The following RINT1 variants were observed in gnomAD, a reference collection of about 807,000 sequenced individuals.
RINT1 encodes the protein RAD50-interacting protein 1.
RINT1 carries 75 observed loss-of-function variants against 97.7 expected under a neutral mutation model. That is an observed-to-expected ratio of 0.77 (90% CI 0.64 to 0.93). The LOEUF is 0.93. Ranked by LOEUF, RINT1 falls within the 40% of genes least tolerant of loss-of-function variation. The probability of loss-of-function intolerance (pLI) is 0.00; values close to 1 mark genes in which losing one functional copy is unlikely to be tolerated. For synonymous variants in RINT1, 303 were observed against 326.3 expected, an observed-to-expected ratio of 0.93 and a Z score of 0.77; for missense variants, 892 against 925.2, an observed-to-expected ratio of 0.96 and a Z score of 0.47.
intron 10 of RINT1, among the ~76,000 whole-genome samples, chr7:105,553,098 TATG>T (rs1444546294): frequency 6.6e-6 from 1 of 152,172 alleles, no homozygotes; most frequent in African/African-American, 2.4e-5. Context: ...AGTAGGATAA[TATG>T]ATGAACTCTC....
chr7:105,550,308 C>T lies in RINT1; in HGVS notation c.1155C>T (p.Ala385=), dbSNP rs757241087. The T allele has an allele frequency of 1.1e-4, 174 of 1,613,852 alleles. 1 individual carries two copies. The highest frequency in any genetic ancestry group is 1.3e-4 in the Non-Finnish European group (157 of 1,180,002). The part of the protein sequence containing the change: ...GLMMLVLEKL[A]TDIPCLLYDD... The stretch of plus-strand genomic sequence containing the variant: ...TGATGCTGGTTCTTGAGAAGTTAGC[C>T]ACTGATATTCCTTGTCTGCTATATG... The change falls in exon 9 of 15, where the codon GCC becomes GCT. Residue 385 remains alanine (A), a synonymous_variant. Transcript: ENST00000257700.
At chr7:105,561,131 T>G (rs1791419883) in intron 11 of RINT1, among the ~76,000 whole-genome samples, 1 of 152,178 alleles carries the variant, frequency 6.6e-6, no homozygotes, top group African/African-American at 2.4e-5. Context: ...GCAAGGTGAT[T>G]TATTTAGTCC....
intron 11 of RINT1, among the ~76,000 whole-genome samples, chr7:105,561,331 C>A (rs1262815378): frequency 2.6e-5 from 4 of 151,688 alleles, no homozygotes; most frequent in Non-Finnish European, 4.4e-5. Context: ...AGTTCAAGAT[C>A]AGCCTGGCCA....
At chr7:105,560,553 AAATT>A (rs1252103529) in intron 11 of RINT1, among the ~76,000 whole-genome samples, 1 of 152,176 alleles carries the variant, frequency 6.6e-6, no homozygotes, top group African/African-American at 2.4e-5. Context: ...ATGTATAAAA[AAATT>A]AACCACCAGA....
intron 11 of RINT1, among the ~76,000 whole-genome samples, chr7:105,561,910 AAGAG>A (rs1270145419): frequency 6.6e-6 from 1 of 152,114 alleles, no homozygotes; most frequent in African/African-American, 2.4e-5. Flanking sequence ...CAGAAGTTGA[AAGAG>A]AAAAATATTT....
At chr7:105,548,217 T>C (rs1790759683) in intron 6 of RINT1, among the ~76,000 whole-genome samples, 1 of 151,940 alleles carries the variant, frequency 6.6e-6, no homozygotes, top group African/African-American at 2.4e-5. Flanking sequence ...TTTGTAGAGA[T>C]AGGGTTTTGC....
At chr7:105,538,831 C>T (rs1004326589) in intron 3 of RINT1, among the ~76,000 whole-genome samples, 1 of 152,206 alleles carries the variant, frequency 6.6e-6, no homozygotes, top group Admixed American at 6.5e-5. Flanking sequence ...CAGTCGAAGG[C>T]AGACCTTATA....
intron 4 of RINT1, among the ~76,000 whole-genome samples, chr7:105,544,861 A>G (rs1384925187): frequency 1.3e-5 from 2 of 152,050 alleles, no homozygotes; most frequent in African/African-American, 2.4e-5. Context: ...ATAATGTGTT[A>G]TTTCCCTGAG....
At chr7:105,535,171 T>C (rs1790173815) in intron 2 of RINT1, among the ~76,000 whole-genome samples, 1 of 152,130 alleles carries the variant, frequency 6.6e-6, no homozygotes, top group Admixed American at 6.6e-5. Context: ...TTCTTTTTTC[T>C]GTTTCTGACA....
chr7:105,533,604 G>A (rs574661631), intron 2 of RINT1, among the ~76,000 whole-genome samples: 93 of 152,220 alleles, frequency 6.1e-4, no homozygotes, highest in African/African-American at 2.2e-3. Context: ...TAAGAAAAAC[G>A]GTGCCCACAT....
chr7:105,548,604 C>T lies in RINT1; in HGVS notation c.890C>T (p.Pro297Leu). 1 of 1,614,132 alleles carries T rather than the reference C, an allele frequency of 6.2e-7. No homozygotes were observed. Among genetic ancestry groups the T allele is most frequent in the Non-Finnish European group, 8.5e-7 (1 of 1,180,002 alleles). The change falls in exon 7 of 15, where the codon CCT becomes CTT. Residue 297 changes from proline to leucine, a missense_variant. Pro to Leu is a moderately conservative substitution (Grantham distance 98, BLOSUM62 -3). Transcript: ENST00000257700. The part of the protein sequence containing the change: ...PKQLPEKYSL[P>L]ASPSVILPIQ... The stretch of plus-strand genomic sequence containing the variant: ...CAACTCCCAGAAAAATACTCTCTTC[C>T]TGCCTCCCCTTCTGTCATCCTGCCC...
At chr7:105,536,285 A>C (rs1021817742) in intron 2 of RINT1, among the ~76,000 whole-genome samples, 1 of 152,018 alleles carries the variant, frequency 6.6e-6, no homozygotes, top group African/African-American at 2.4e-5. Flanking sequence ...CAGCCTCCCG[A>C]ATAGCTGGGA....
At chr7:105,553,734 T>C (rs1483898398) in intron 10 of RINT1, among the ~76,000 whole-genome samples, 2 of 148,444 alleles carry the variant, frequency 1.3e-5, no homozygotes, top group South Asian at 2.2e-4. Flanking sequence ...TTTTTTTTTT[T>C]CTTTGAGACA....
At chr7:105,562,913 A>T (rs1049049017) in intron 11 of RINT1, among the ~76,000 whole-genome samples, 8 of 152,160 alleles carry the variant, frequency 5.3e-5, no homozygotes, top group African/African-American at 1.9e-4. Context: ...AAAACAAAAA[A>T]CAAAAAAACA....
At chr7:105,555,531 G>A (rs2133428283) in intron 11 of RINT1, among the ~76,000 whole-genome samples, 1 of 152,292 alleles carries the variant, frequency 6.6e-6, no homozygotes, top group Admixed American at 6.5e-5. Context: ...CACAGGAAGA[G>A]CTAAGATTAA....
Position 105,550,141 on chromosome 7 carries a change from A to G in RINT1, c.1083A>G (p.Lys361=). ...LDEKIQPILD[K]VGSLVNARLE... ...AGAAGATTCAGCCAATATTAGACAA[A>G]GTAGGCTCTTTGGTAAACGCAAGGG... Residue 361 remains lysine (K), a synonymous_variant, in exon 8 of 15, where the codon AAA becomes AAG. Transcript: ENST00000257700. The G allele has an allele frequency of 6.2e-7, 1 of 1,613,640 alleles. No individual in the cohort carries two copies. Among genetic ancestry groups the G allele is most frequent in the Non-Finnish European group, 8.5e-7 (1 of 1,179,608 alleles).
intron 4 of RINT1, among the ~76,000 whole-genome samples, chr7:105,543,759 A>C (rs1192551270): frequency 1.3e-5 from 2 of 152,148 alleles, no homozygotes; most frequent in East Asian, 3.9e-4. Flanking sequence ...TATTTCCCAA[A>C]ATTTTAAAGA....
rs151055286 is a variant in RINT1, at chr7:105,550,079, C to G, written c.1021C>G (p.Leu341Val). Reference sequence around the variant, plus strand: ...GCCAGAATGGTACTTGGCTCAAGTACTTATGTGGATTGGAAACCATACTGA... The same window carrying G: ...GCCAGAATGGTACTTGGCTCAAGTAGTTATGTGGATTGGAAACCATACTGA... Reference protein sequence around the residue: ...SKPEWYLAQVLMWIGNHTEFL... With the variant: ...SKPEWYLAQVVMWIGNHTEFL... Residue 341 changes from leucine (L) to valine (V), a missense_variant, in exon 8 of 15, where the codon CTT (leucine) becomes GTT (valine). Transcript: ENST00000257700. The G allele has an allele frequency of 4.3e-6, 7 of 1,612,784 alleles. No homozygotes were observed. In the East Asian group the frequency reaches 1.6e-4, roughly 36 times the overall value.
intron 1 of RINT1, among the ~76,000 whole-genome samples, 153 bp downstream of exon 1, chr7:105,532,510 G>T (rs1007498595): frequency 1.3e-5 from 2 of 152,238 alleles, no homozygotes; most frequent in African/African-American, 2.4e-5. Context: ...AGACCTCCTA[G>T]AGGAGGCGGT....
Sources: gnomAD v4.1 joint callset for allele counts (sites outside exome capture counted in the v4.1 genomes callset) on GRCh38, gnomAD v4.1.1 for gene constraint, MANE v1.5 for transcripts, NCBI Gene and HGNC (gene_info 2026-07-23, HGNC 2026-07-21) for gene names.